The following STAT1 variants were observed in gnomAD, a reference collection of about 807,000 sequenced individuals.
STAT1 encodes the protein signal transducer and activator of transcription 1.
A neutral mutation model predicts 111.7 loss-of-function variants in STAT1; 24 were observed. The observed-to-expected ratio is 0.21, with a 90% CI of 0.16 to 0.30. STAT1 has a LOEUF of 0.30. Among genes scored for constraint, STAT1 ranks in the 10% least tolerant of loss-of-function variants. The probability of loss-of-function intolerance (pLI) is 1.00; values close to 1 mark genes in which losing one functional copy is unlikely to be tolerated. For missense variants in STAT1, 351 were observed against 911.9 expected, an observed-to-expected ratio of 0.38 and a Z score of 7.92; for synonymous variants, 332 against 326.5, an observed-to-expected ratio of 1.02 and a Z score of -0.18.
In STAT1 at chr2:190,998,894, T is replaced by G. The variant is rs1189307383; in HGVS notation, c.542-586A>C. Among the ~76,000 whole-genome samples the G allele has an allele frequency of 2.0e-5, 3 of 152,058 alleles. No individual in the cohort carries two copies. The highest frequency in any genetic ancestry group is 4.4e-5 in the Non-Finnish European group (3 of 68,008). ...ATGTATACAAAGCATAGCTGTAGCT[T>G]TCAAAGAGAAGTAGATGAGTAGGAA... On this transcript the variant is annotated intron_variant, in intron 7 of 24. Transcript: ENST00000361099. The surrounding 1 kb of genome is among the most constrained non-coding windows in gnomAD (Gnocchi z 4.1).
rs1487168011 is a variant in STAT1 at position 190,970,958 on chromosome 2, G to A, written c.2239-241C>T. On this transcript the variant is annotated intron_variant, in intron 24 of 24. Coordinates refer to ENST00000361099, the MANE Select transcript of STAT1 (RefSeq NM_007315.4). This position sits in a 1 kb window ranked among gnomAD's most constrained non-coding sequence, Gnocchi z 5.4. The stretch of plus-strand genomic sequence containing the variant: ...CTCTGCTGCCCACTGGCTTAATTTT[G>A]TGAATCCATCCAGACTGCATAAAGC... 6.6e-6 allele frequency among the ~76,000 whole-genome samples: 1 copy of A among 152,186 alleles called. No individual in the cohort carries two copies. Among genetic ancestry groups the A allele is most frequent in the Non-Finnish European group, 1.5e-5 (1 of 68,036 alleles).
At chr2:190,972,236 G>A (rs1156966972) in intron 24 of STAT1, among the ~76,000 whole-genome samples, 1 of 152,174 alleles carries the variant, frequency 6.6e-6, no homozygotes, top group African/African-American at 2.4e-5. Flanking sequence ...GATGGCATAC[G>A]TAAAATGTTT....
rs6711082 is a variant in STAT1 at position 190,971,827 on chromosome 2, C to T, written c.2239-1110G>A. ...TTCCAGGTTCAAGCGATCCTCCTGC[C>T]TCAGCCCCCCTAGTAGCTGGGATTA... is the stretch of plus-strand genomic sequence containing the variant. On this transcript the variant is annotated intron_variant, in intron 24 of 24. Transcript: ENST00000361099. This position sits in a 1 kb window ranked among gnomAD's most constrained non-coding sequence, Gnocchi z 4.1. 0.47 allele frequency among the ~76,000 whole-genome samples: 71,385 copies of T among 151,452 alleles called. 17,396 individuals are homozygous for T. Among genetic ancestry groups the T allele is most frequent in the East Asian group, 0.7 (3,557 of 5,102 alleles).
rs914068687 is a variant in STAT1 at position 190,980,590 on chromosome 2, T to G, written c.1632+30A>C. ...ACCTCAACCAAGAGCAAAAAGGACT[T>G]AGAGAGCATAAAACCCAGACAGTCC... On this transcript the variant is annotated intron_variant, in intron 19 of 24. Transcript: ENST00000361099. This position sits in a 1 kb window ranked among gnomAD's most constrained non-coding sequence, Gnocchi z 6.1. 2.7e-5 allele frequency: 43 copies of G among 1,611,738 alleles called. No homozygotes were observed. Among genetic ancestry groups the G allele is most frequent in the Non-Finnish European group, 3.5e-5 (41 of 1,177,952 alleles).
intron 24 of STAT1, among the ~76,000 whole-genome samples, chr2:190,972,359 A>G (rs1243948569): frequency 6.6e-6 from 1 of 152,206 alleles, no homozygotes; most frequent in East Asian, 1.9e-4. Context: ...AGAGGAAAAC[A>G]CTGATTACAC....
At position 190,984,067 on chromosome 2, in the gene STAT1, T is replaced by TA. The variant is rs144219644; in HGVS notation, c.1347+242dup. On this transcript the variant is annotated intron_variant, in intron 16 of 24. Transcript: ENST00000361099. This position sits in a 1 kb window ranked among gnomAD's most constrained non-coding sequence, Gnocchi z 5.2. ...AATAAATAAGTCCCAATGCTTAATG[T>TA]AAAAAAAAAAAATTAACATCAGCGA... Among the ~76,000 whole-genome samples the TA allele has an allele frequency of 0.38, 56,201 of 148,592 alleles. 11,552 individuals carry two copies. Among genetic ancestry groups the TA allele is most frequent in the Non-Finnish European group, 0.48 (32,188 of 67,110 alleles).
At position 190,986,084 on chromosome 2, in the gene STAT1, G is replaced by GCTGA. The variant is rs1254816970; in HGVS notation, c.1222-428_1222-425dup. Among the ~76,000 whole-genome samples the GCTGA allele has an allele frequency of 6.6e-6, 1 of 152,196 alleles. No individual in the cohort carries two copies. Among genetic ancestry groups the GCTGA allele is most frequent in the African/African-American group, 2.4e-5 (1 of 41,462 alleles). On this transcript the variant is annotated intron_variant, in intron 14 of 24. Coordinates refer to ENST00000361099, the MANE Select transcript of STAT1 (RefSeq NM_007315.4). The surrounding 1 kb of genome is among the most constrained non-coding windows in gnomAD (Gnocchi z 5.0). ...CAATCTCTGAGCTGTCAATCCCTGA[G>GCTGA]CTGACGAGGGAGCAGGCTGGGGCCC... is the stretch of plus-strand genomic sequence containing the variant.
rs1176528724 is a variant in STAT1, at chr2:190,983,809, C to T, written c.1348-69G>A. ...TGTCACCTTCAGATAACTGCTTAGC[C>T]TCAACTAAAAGCAGGGGATTATTTG... On this transcript the variant is annotated intron_variant, in intron 16 of 24. Coordinates refer to ENST00000361099, the MANE Select transcript of STAT1 (RefSeq NM_007315.4). This position sits in a 1 kb window ranked among gnomAD's most constrained non-coding sequence, Gnocchi z 5.7. 46 of 1,298,400 alleles carry T rather than the reference C, an allele frequency of 3.5e-5. No homozygotes were observed. The highest frequency in any genetic ancestry group is 5.0e-5 in the Non-Finnish European group (45 of 893,438). 80.4% of individuals were successfully genotyped at this position (1,298,400 alleles called of 1,614,324 possible).
chr2:190,978,733 G>T lies in STAT1; in HGVS notation c.1873+123C>A. 1.6e-6 allele frequency: 2 copies of T among 1,289,796 alleles called. No individual in the cohort carries two copies. The highest frequency in any genetic ancestry group is 1.5e-5 in the African/African-American group (1 of 68,330). 79.9% of individuals were successfully genotyped at this position (1,289,796 alleles called of 1,614,324 possible). ...TAAATCCTATCGGGGGCTCATTTGG[G>T]GTAAGTATAAGATCTGCAATTTCAT... On this transcript the variant is annotated intron_variant, in intron 21 of 24. Coordinates refer to ENST00000361099, the MANE Select transcript of STAT1 (RefSeq NM_007315.4). This position sits in a 1 kb window ranked among gnomAD's most constrained non-coding sequence, Gnocchi z 6.1.
Position 190,981,008 on chromosome 2 carries a change from C to T in STAT1, c.1583-339G>A, listed in dbSNP as rs955359340. ...AGCCTTACCATCTGCTCTCTCCCTC[C>T]CCAGCCCCCCTTTTCCCTCCCTCCT... is the stretch of plus-strand genomic sequence containing the variant. On this transcript the variant is annotated intron_variant, in intron 18 of 24. Transcript: ENST00000361099. This position sits in a 1 kb window ranked among gnomAD's most constrained non-coding sequence, Gnocchi z 4.1. 6.6e-6 allele frequency among the ~76,000 whole-genome samples: 1 copy of T among 151,830 alleles called. No individual in the cohort carries two copies. The highest frequency in any genetic ancestry group is 1.5e-5 in the Non-Finnish European group (1 of 68,004).
intron 12 of STAT1, among the ~76,000 whole-genome samples, chr2:190,988,101 A>C (rs1303446141): frequency 1.3e-5 from 2 of 152,134 alleles, no homozygotes; most frequent in African/African-American, 2.4e-5. Context: ...GCTGGCCTTG[A>C]TTTGCTTTTA....
chr2:190,971,317 T>C lies in STAT1; in HGVS notation c.2239-600A>G, dbSNP rs45519836. Among the ~76,000 whole-genome samples the C allele has an allele frequency of 1.9e-4, 29 of 152,306 alleles. No individual in the cohort carries two copies. The highest frequency in any genetic ancestry group is 6.8e-3 in the Middle Eastern group (2 of 294). ...TGACTTCCACACTGGTCTTTCCCCT[T>C]AGACCAGATGCTTTCAATCGAGGAT... On this transcript the variant is annotated intron_variant, in intron 24 of 24. Coordinates refer to ENST00000361099, the MANE Select transcript of STAT1 (RefSeq NM_007315.4). The surrounding 1 kb of genome is among the most constrained non-coding windows in gnomAD (Gnocchi z 4.1).
At position 190,984,316 on chromosome 2, in the gene STAT1, G is replaced by T. The variant is rs140351189; in HGVS notation, c.1341C>A (p.Asp447Glu). The change falls in exon 16 of 25, where the codon GAC (aspartate) becomes GAA (glutamate). Residue 447 changes from aspartate to glutamate, a missense_variant. Asp to Glu is a conservative substitution (Grantham distance 45, BLOSUM62 2). Around this residue, in one of 7 missense-constraint regions of STAT1, gnomAD observed 181 missense variants for 426.1 expected, o/e 0.42. Coordinates refer to ENST00000361099, the MANE Select transcript of STAT1 (RefSeq NM_007315.4). The surrounding 1 kb of genome is among the most constrained non-coding windows in gnomAD (Gnocchi z 5.2). The stretch of plus-strand genomic sequence containing the variant: ...GGGACCATAAAAGTCTTACCTCGAG[G>T]TCAATTACCAAACCAGGCTGGCACA... ...TQLCQPGLVI[D>E]LETTSLPVVV... 206 of 1,613,570 alleles carry T rather than the reference G, an allele frequency of 1.3e-4. No individual in the cohort carries two copies. The Middle Eastern group carries it at 1.3e-3, about 10-fold the overall frequency.
In STAT1 at chr2:190,971,317, T is replaced by A. The variant is rs45519836; in HGVS notation, c.2239-600A>T. Reference sequence around the variant, plus strand: ...TGACTTCCACACTGGTCTTTCCCCTTAGACCAGATGCTTTCAATCGAGGAT... The same window carrying A: ...TGACTTCCACACTGGTCTTTCCCCTAAGACCAGATGCTTTCAATCGAGGAT... On this transcript the variant is annotated intron_variant, in intron 24 of 24. Transcript: ENST00000361099. This position sits in a 1 kb window ranked among gnomAD's most constrained non-coding sequence, Gnocchi z 4.1. 6.6e-6 allele frequency among the ~76,000 whole-genome samples: 1 copy of A among 152,188 alleles called. No individual in the cohort carries two copies. The highest frequency in any genetic ancestry group is 1.5e-5 in the Non-Finnish European group (1 of 68,026).
rs1287312645 is a variant in STAT1 at position 190,978,445 on chromosome 2, G to C, written c.1873+411C>G. On this transcript the variant is annotated intron_variant, in intron 21 of 24. Coordinates refer to ENST00000361099, the MANE Select transcript of STAT1 (RefSeq NM_007315.4). This position sits in a 1 kb window ranked among gnomAD's most constrained non-coding sequence, Gnocchi z 6.1. ...GTCCTGCATCAACTCCCTGGCTGAT[G>C]ATGTGTATGAAGTCTTCTCCCGAAG... 7.5e-6 allele frequency: 2 copies of C among 267,254 alleles called. No individual in the cohort carries two copies. Among genetic ancestry groups the C allele is most frequent in the Non-Finnish European group, 1.5e-5 (2 of 132,992 alleles). 16.6% of individuals were successfully genotyped at this position (267,254 alleles called of 1,614,324 possible).
intron 5 of STAT1, among the ~76,000 whole-genome samples, chr2:191,005,520 C>T (rs776282513): frequency 9.9e-5 from 15 of 152,100 alleles, no homozygotes; most frequent in Non-Finnish European, 1.9e-4. Context: ...TTGCCCATAG[C>T]GTTCAGTACA....
chr2:190,987,400 A>G lies in STAT1; in HGVS notation c.1098-332T>C, dbSNP rs1474981575. Among the ~76,000 whole-genome samples, 6 of 152,232 alleles carry G rather than the reference A, an allele frequency of 3.9e-5. No individual in the cohort carries two copies. Among genetic ancestry groups the G allele is most frequent in the South Asian group, 2.1e-4 (1 of 4,830 alleles). ...TACACCCTCAATAAATGTAAGCACC[A>G]GCACCAGTACACCCTCAATAAATGT... is the stretch of plus-strand genomic sequence containing the variant. On this transcript the variant is annotated intron_variant, in intron 12 of 24. Coordinates refer to ENST00000361099, the MANE Select transcript of STAT1 (RefSeq NM_007315.4). This position sits in a 1 kb window ranked among gnomAD's most constrained non-coding sequence, Gnocchi z 4.0.
chr2:191,009,416 T>G (rs1694958285), intron 3 of STAT1, among the ~76,000 whole-genome samples: 1 of 129,822 alleles, frequency 7.7e-6, no homozygotes, highest in African/African-American at 2.5e-5. Context: ...TTTCAGGACG[T>G]TTTTAAATTA....
Position 191,013,663 on chromosome 2 carries a change from C to CA in STAT1, c.-141dup, listed in dbSNP as rs1695311139. 2 of 398,558 alleles carry CA rather than the reference C, an allele frequency of 5.0e-6. No individual in the cohort carries two copies. Among genetic ancestry groups the CA allele is most frequent in the Admixed American group, 4.4e-5 (1 of 22,712 alleles). The allele number at this position is 398,558 out of a possible 1,614,324, so 24.7% of individuals were successfully genotyped here. On this transcript the variant is annotated 5_prime_UTR_variant, in exon 2 of 25. Coordinates refer to ENST00000361099, the MANE Select transcript of STAT1 (RefSeq NM_007315.4). ...CTAGACAGCTCTCGAGGATGGCATA[C>CA]AGCAAATGAAACTTTCTGCGAAAAG...
Sources: allele counts gnomAD v4.1 joint callset (sites outside exome capture counted in the v4.1 genomes callset), GRCh38; gene constraint gnomAD v4.1.1; regional missense constraint gnomAD v4.1.1; non-coding constraint Gnocchi (gnomAD v3.1); transcripts MANE v1.5; gene names NCBI Gene and HGNC (gene_info 2026-07-23, HGNC 2026-07-21).